The following DNAH10 variants were observed in gnomAD, a reference collection of about 807,000 sequenced individuals.
DNAH10 encodes the protein axonemal beta dynein heavy chain 10.
DNAH10 carries 348 observed loss-of-function variants against 506.6 expected under a neutral mutation model. That is an observed-to-expected ratio of 0.69 (90% CI 0.63 to 0.75). The LOEUF (loss-of-function observed/expected upper bound fraction) is 0.75. Among genes scored for constraint, DNAH10 ranks in the 30% least tolerant of loss-of-function variants. The probability of loss-of-function intolerance (pLI) is 0.00; values close to 1 mark genes in which losing one functional copy is unlikely to be tolerated. For missense variants in DNAH10, 5,179 were observed against 5,787.1 expected (o/e 0.89, Z 3.41); for synonymous variants, 2,059 against 2,198.6 (o/e 0.94, Z 1.78).
chr12:123,779,099 T>C (rs1256088254), intron 5 of DNAH10, among the ~76,000 whole-genome samples: 1 of 152,140 alleles, frequency 6.6e-6, no homozygotes, highest in Non-Finnish European at 1.5e-5. Flanking sequence ...GAGATGGGTT[T>C]TCACCATGTT....
At chr12:123,786,057 C>A in intron 9 of DNAH10, 121 bp downstream of exon 9, 2 of 1,171,408 alleles carry the variant, frequency 1.7e-6, no homozygotes, top group Non-Finnish European at 2.3e-6. Context: ...ATGTACAATT[C>A]ACTGGCTCTT....
At chr12:123,815,102 G>A (rs1959099705) in intron 21 of DNAH10, among the ~76,000 whole-genome samples, 1 of 152,162 alleles carries the variant, frequency 6.6e-6, no homozygotes, top group African/African-American at 2.4e-5. Context: ...GATTGTGATT[G>A]CATTGATCCT....
rs766400227 is a variant in DNAH10, at chr12:123,859,248, T to C, written c.6729T>C (p.Thr2243=). 2 of 1,608,480 alleles carry C rather than the reference T, an allele frequency of 1.2e-6. No homozygotes were observed. Among genetic ancestry groups the C allele is most frequent in the South Asian group, 1.1e-5 (1 of 89,420 alleles). The change falls in exon 38 of 79, where the codon ACT becomes ACC. Residue 2243 remains threonine, a synonymous_variant. Transcript: ENST00000673944. The part of the protein sequence containing the change: ...TRGGKSVVIN[T]LCQAQTKLGL... ...GGGGCAAGTCCGTCGTCATTAACACTCTGTGTCAGGCCCAGACCAAGTGAG... is the reference window on the plus strand; with the variant it reads ...GGGGCAAGTCCGTCGTCATTAACACCCTGTGTCAGGCCCAGACCAAGTGAG...
chr12:123,908,363 G>A lies in DNAH10; in HGVS notation c.9816-898G>A, dbSNP rs1039526030. The A allele has an allele frequency of 1.1e-5, 5 of 455,854 alleles. No homozygotes were observed. The Admixed American group carries it at 1.2e-4, about 11-fold the overall frequency. 28.2% of individuals were successfully genotyped at this position (455,854 alleles called of 1,614,324 possible). A position where few individuals can be genotyped will look rare whatever the true frequency, so the allele number is the denominator to read the frequency against. ...GCCTCCTACCAGAGCACAAATGCCT[G>A]GGCCCCTGCCTGGCCGCCCCCACAC... On this transcript the variant is annotated intron_variant, in intron 57 of 78. Transcript: ENST00000673944.
chr12:123,835,371 A>G (rs1230454951), intron 27 of DNAH10, 35 bp from the exon 28 acceptor site: 2 of 1,606,026 alleles, frequency 1.2e-6, no homozygotes, highest in Non-Finnish European at 1.7e-6. Flanking sequence ...GTATCTGATA[A>G]CCCCTGCTGA....
At chr12:123,880,807 C>T (rs1364902474) in intron 50 of DNAH10, among the ~76,000 whole-genome samples, 7 of 110,294 alleles carry the variant, frequency 6.3e-5, no homozygotes, top group Non-Finnish European at 1.1e-4. Context: ...CCCCTCCCCC[C>T]ACCCCACAAC....
chr12:123,791,157 G>GA (rs143002874), intron 11 of DNAH10, among the ~76,000 whole-genome samples: 116 of 151,760 alleles, frequency 7.6e-4, no homozygotes, highest in African/African-American at 2.6e-3. Flanking sequence ...ACAAAAACGT[G>GA]AAAAAAAATC....
chr12:123,908,391 C>A, intron 57 of DNAH10: 1 of 456,244 alleles, frequency 2.2e-6, no homozygotes, highest in Non-Finnish European at 4.4e-6. Context: ...CCCCACACTG[C>A]ATCCATGCCC....
chr12:123,786,654 T>C (rs1594020118), intron 9 of DNAH10, among the ~76,000 whole-genome samples: 1 of 152,260 alleles, frequency 6.6e-6, no homozygotes, highest in East Asian at 1.9e-4. Flanking sequence ...GAGATATATT[T>C]TGTTTCAGAT....
intron 5 of DNAH10, among the ~76,000 whole-genome samples, chr12:123,779,909 A>G (rs564240156): frequency 1.1e-4 from 16 of 152,268 alleles, no homozygotes; most frequent in Admixed American, 7.8e-4. Context: ...TCAGCCAACC[A>G]ACCAACCAAC....
chr12:123,907,029 C>T lies in DNAH10; in HGVS notation c.9816-2232C>T, dbSNP rs892782029. Among the ~76,000 whole-genome samples the T allele has an allele frequency of 2.6e-5, 4 of 152,246 alleles. No homozygotes were observed. Among genetic ancestry groups the T allele is most frequent in the African/African-American group, 9.6e-5 (4 of 41,462 alleles). On this transcript the variant is annotated intron_variant, in intron 57 of 78. Transcript: ENST00000673944. The surrounding 1 kb of genome is among the most constrained non-coding windows in gnomAD (Gnocchi z 4.4). ...GTCAGTGGGTGTCTGTCCCCCACCC[C>T]ACCCCTGCCCTGAGCAGGCACTGGG...
At chr12:123,811,550 G>A (rs577171091) in intron 19 of DNAH10, among the ~76,000 whole-genome samples, 83 of 151,584 alleles carry the variant, frequency 5.5e-4, no homozygotes, top group African/African-American at 2.0e-3. Flanking sequence ...GCCTAGGCTG[G>A]AGTGCAGTGG....
At position 123,857,035 on chromosome 12, in the gene DNAH10, CAT is replaced by C. The variant is rs760090001; in HGVS notation, c.6439-20_6439-19del. On this transcript the variant is annotated intron_variant, in intron 36 of 78. Coordinates refer to ENST00000673944, the MANE Select transcript of DNAH10 (RefSeq NM_001372106.1). ...GGTTCCTTTGGAAATCTCTTGGAAA[CAT>C]GTGTTTCATTTCCTGCAGGACGTGG... 5.0e-5 allele frequency: 79 copies of C among 1,592,278 alleles called. No homozygotes were observed. Among genetic ancestry groups the C allele is most frequent in the African/African-American group, 1.8e-4 (13 of 74,010 alleles).
rs1954597593 is a variant in DNAH10, at chr12:123,918,732, G to A, written c.11289G>A (p.Arg3763=). The change falls in exon 65 of 79, where the codon CGG becomes CGA. Residue 3763 remains arginine (R), a synonymous_variant. Coordinates refer to ENST00000673944, the MANE Select transcript of DNAH10 (RefSeq NM_001372106.1). The stretch of plus-strand genomic sequence containing the variant: ...CAGCCTTGGACATCGACAGGCTGCG[G>A]GATGGCTACCGGCCAGCAGCCAGGA... ...EKTALDIDRL[R]DGYRPAARRG... is the part of the protein sequence containing the mutation. The A allele has an allele frequency of 1.3e-6, 2 of 1,599,332 alleles. No homozygotes were observed. The highest frequency in any genetic ancestry group is 1.7e-5 in the Admixed American group (1 of 59,224).
rs1953607197 is a variant in DNAH10 at position 123,903,118 on chromosome 12, T to G, written c.9815+5T>G. 3 of 1,604,704 alleles carry G rather than the reference T, an allele frequency of 1.9e-6. No individual in the cohort carries two copies. The African/African-American group carries it at 4.0e-5, about 21-fold the overall frequency. On this transcript the variant is annotated splice_donor_5th_base_variant and intron_variant, in intron 57 of 78. Transcript: ENST00000673944. This position sits in a 1 kb window ranked among gnomAD's most constrained non-coding sequence, Gnocchi z 4.6. ...GTCGGACGTGACTGAGATTAGGTAATGCACCTGAGCCACCATTCTGGGCTT... is the reference window on the plus strand; with the variant it reads ...GTCGGACGTGACTGAGATTAGGTAAGGCACCTGAGCCACCATTCTGGGCTT...
In DNAH10 at chr12:123,804,838, A is replaced by G. The variant is rs747915436; in HGVS notation, c.2785A>G (p.Lys929Glu). ...AKSEEELPGV[K>E]EFFEHIERER... is the part of the protein sequence containing the mutation. ...ACAGACATCTTTCTCTCCAGGCGTG[A>G]AGGAATTTTTTGAACACATTGAGCG... Residue 929 changes from lysine to glutamate, a missense_variant, in exon 18 of 79, where the codon AAG (lysine) becomes GAG (glutamate). Lys to Glu is a moderately conservative substitution (Grantham distance 56). This residue lies in a region of DNAH10 where 4,844 missense variants were observed against 5,430.5 expected (regional missense o/e 0.89). Transcript: ENST00000673944. The G allele has an allele frequency of 6.2e-7, 1 of 1,609,244 alleles. No individual in the cohort carries two copies. Among genetic ancestry groups the G allele is most frequent in the Non-Finnish European group, 8.5e-7 (1 of 1,177,446 alleles).
At chr12:123,836,866 T>C (rs1360972485) in intron 28 of DNAH10, among the ~76,000 whole-genome samples, 2 of 151,694 alleles carry the variant, frequency 1.3e-5, no homozygotes, top group African/African-American at 4.8e-5. Context: ...CTCTTTTTTT[T>C]TTTTGAGACA....
intron 26 of DNAH10, 96 bp downstream of exon 26, chr12:123,830,795 A>G: frequency 1.0e-6 from 1 of 978,784 alleles, no homozygotes; most frequent in South Asian, 2.3e-5. Flanking sequence ...AAAAAAAAAA[A>G]TTAGCTGAGC....
chr12:123,772,883 C>A lies in DNAH10; in HGVS notation c.446C>A (p.Thr149Asn). 6.2e-7 allele frequency: 1 copy of A among 1,612,996 alleles called. No individual in the cohort carries two copies. Among genetic ancestry groups the A allele is most frequent in the Non-Finnish European group, 8.5e-7 (1 of 1,179,594 alleles). The change falls in exon 4 of 79, where the codon ACC becomes AAC. Residue 149 changes from threonine (T) to asparagine (N), a missense_variant. Around this residue, in one of 3 missense-constraint regions of DNAH10, gnomAD observed 326 missense variants for 330.8 expected, o/e 0.99. Transcript: ENST00000673944. ...AAGATGCATCTCCACATGCTCTGTA[C>A]CCCTCTTCCCGAGGAGTTCCTGGAC... Reference protein sequence around the residue: ...MEKMHLHMLCTPLPEEFLDQN... With the variant: ...MEKMHLHMLCNPLPEEFLDQN...
Sources: gnomAD v4.1 joint callset for allele counts (sites outside exome capture counted in the v4.1 genomes callset) on GRCh38, gnomAD v4.1.1 for gene constraint, gnomAD v4.1.1 regional missense constraint, Gnocchi (gnomAD v3.1) non-coding constraint, MANE v1.5 for transcripts, NCBI Gene and HGNC (gene_info 2026-07-23, HGNC 2026-07-21) for gene names.